Variants in CNMD observed in about 807,000 individuals in gnomAD.
CNMD encodes chondromodulin, also known as leukocyte cell-derived chemotaxin 1.
In CNMD, 30 loss-of-function variants were observed where a neutral mutation model predicts 37.5. That is an observed-to-expected ratio of 0.80 (90% CI 0.60 to 1.09). The LOEUF is 1.09. CNMD is among the 50% of genes least tolerant of loss of function. CNMD has a pLI of 0.00. For missense variants in CNMD, 398 were observed against 423.9 expected, an observed-to-expected ratio of 0.94 and a Z score of 0.54; for synonymous variants, 167 against 148.2, an observed-to-expected ratio of 1.13 and a Z score of -0.92.
In CNMD at chr13:52,708,532, G is replaced by A. The variant is rs552391282; in HGVS notation, c.789+4C>T. The A allele has an allele frequency of 1.2e-5, 20 of 1,603,388 alleles. No individual in the cohort carries two copies. Among genetic ancestry groups the A allele is most frequent in the East Asian group, 1.1e-4 (5 of 44,702 alleles). ...TAATCATGTCAAAAAGCACCGGAAC[G>A]CACATGATAAGGATTATCAGGATTG... is the stretch of plus-strand genomic sequence containing the variant. On this transcript the variant is annotated splice_donor_region_variant and intron_variant, in intron 6 of 6. Transcript: ENST00000377962.
At chr13:52,711,024 C>T (rs1267447698) in intron 5 of CNMD, among the ~76,000 whole-genome samples, 1 of 152,184 alleles carries the variant, frequency 6.6e-6, no homozygotes, top group Non-Finnish European at 1.5e-5. Flanking sequence ...ATACAATTTT[C>T]TTATTTTAAT....
rs151251637 is a variant in CNMD, at chr13:52,728,773, T to C, written c.354+4446A>G. On this transcript the variant is annotated intron_variant, in intron 3 of 6. Transcript: ENST00000377962. ...GATTCTACTGAATGATTCGCAGCAC[T>C]GAATGGGAATCTAGTGTTAAGTTGG... Among the ~76,000 whole-genome samples, 512 of 152,274 alleles carry C rather than the reference T, an allele frequency of 3.4e-3. 3 individuals are homozygous for C. Among genetic ancestry groups the C allele is most frequent in the African/African-American group, 0.011 (463 of 41,576 alleles).
chr13:52,726,869 G>A (rs2138260894), intron 3 of CNMD, among the ~76,000 whole-genome samples: 1 of 152,224 alleles, frequency 6.6e-6, no homozygotes, highest in Admixed American at 6.5e-5. Context: ...TTTAGGATAT[G>A]AATGAGAAAT....
rs139061745 is a variant in CNMD at position 52,712,985 on chromosome 13, C to T, written c.469-116G>A. 2.5e-4 allele frequency: 183 copies of T among 722,584 alleles called. 1 individual carries two copies. In the African/African-American group the frequency reaches 2.8e-3, roughly 11 times the overall value. 44.8% of individuals were successfully genotyped at this position (722,584 alleles called of 1,614,324 possible). On this transcript the variant is annotated intron_variant, in intron 4 of 6. Transcript: ENST00000377962. ...ATAAAAAATTAATGAGAATTCCGAG[C>T]ATGCGTGTGTACATGTGTGCACTTT... is the stretch of plus-strand genomic sequence containing the variant.
chr13:52,709,971 C>CAA (rs1185043503), intron 5 of CNMD, among the ~76,000 whole-genome samples: 1 of 151,558 alleles, frequency 6.6e-6, no homozygotes, highest in East Asian at 1.9e-4. Flanking sequence ...AACTCCATCT[C>CAA]AAAAAAAAGT....
At position 52,739,669 on chromosome 13, in the gene CNMD, G is replaced by A. The variant is rs1293471949; in HGVS notation, c.33C>T (p.Ala11=). 5 of 1,614,164 alleles carry A rather than the reference G, an allele frequency of 3.1e-6. No individual in the cohort carries two copies. The South Asian group carries it at 5.5e-5, about 18-fold the overall frequency. MTENSDKVPI[A]LVGPDDVEFC... ...ATTCCACGTCATCAGGTCCCACCAG[G>A]GCAATGGGAACTTTGTCGGAGTTCT... Residue 11 remains alanine, a synonymous_variant, in exon 1 of 7, where the codon GCC becomes GCT. Transcript: ENST00000377962. This position sits in a 1 kb window ranked among gnomAD's most constrained non-coding sequence, Gnocchi z 5.4.
intron 2 of CNMD, 161 bp from the exon 3 acceptor site, chr13:52,733,520 A>T (rs1964709623): frequency 1.4e-6 from 1 of 734,428 alleles, no homozygotes; most frequent in Admixed American, 2.0e-5. Context: ...TTCATACAAC[A>T]ATCAGTTAAT....
chr13:52,725,740 G>T (rs1037767698), intron 3 of CNMD, among the ~76,000 whole-genome samples: 2 of 152,216 alleles, frequency 1.3e-5, no homozygotes, highest in Non-Finnish European at 1.5e-5. Context: ...GTGTTGGAAT[G>T]ATATAGAAAT....
Position 52,703,690 on chromosome 13 carries a change from A to G in CNMD, c.910T>C (p.Tyr304His), listed in dbSNP as rs1964124982. The G allele has an allele frequency of 6.2e-7, 1 of 1,614,002 alleles. No individual in the cohort carries two copies. Among genetic ancestry groups the G allele is most frequent in the Non-Finnish European group, 8.5e-7 (1 of 1,179,850 alleles). ...QKICEPLGGY[Y>H]PWPYNYQGCR... ...CCTTGATAATTATAAGGCCATGGGT[A>G]ATAGCCCCCCAGGGGTTCACAGATC... The change falls in exon 7 of 7, where the codon TAC becomes CAC. Residue 304 changes from tyrosine (Y) to histidine (H), a missense_variant. Coordinates refer to ENST00000377962, the MANE Select transcript of CNMD (RefSeq NM_007015.3).
intron 4 of CNMD, among the ~76,000 whole-genome samples, chr13:52,718,403 T>C (rs1964425596): frequency 6.6e-6 from 1 of 152,158 alleles, no homozygotes; most frequent in African/African-American, 2.4e-5. Flanking sequence ...TGTTTGCTCT[T>C]GCTTCTCTAG....
At chr13:52,728,363 C>A (rs899745167) in intron 3 of CNMD, among the ~76,000 whole-genome samples, 2 of 101,502 alleles carry the variant, frequency 2.0e-5, no homozygotes, top group African/African-American at 7.5e-5. Context: ...GGCGACAGAG[C>A]GAGACTCCAT....
At chr13:52,736,025 G>T (rs1964755280) in intron 2 of CNMD, among the ~76,000 whole-genome samples, 1 of 144,882 alleles carries the variant, frequency 6.9e-6, no homozygotes, top group African/African-American at 2.6e-5. Context: ...ACGGAGTCTT[G>T]CTCTGTCGCC....
intron 4 of CNMD, among the ~76,000 whole-genome samples, chr13:52,717,275 A>G (rs1368417410): frequency 2.0e-5 from 3 of 152,214 alleles, no homozygotes; most frequent in Non-Finnish European, 4.4e-5. Context: ...ATGTACAATC[A>G]TGTAATCTGC....
chr13:52,712,876 G>A lies in CNMD; in HGVS notation c.469-7C>T. 6.5e-7 allele frequency: 1 copy of A among 1,542,744 alleles called. No homozygotes were observed. The highest frequency in any genetic ancestry group is 2.3e-5 in the East Asian group (1 of 43,624). On this transcript the variant is annotated splice_polypyrimidine_tract_variant and splice_region_variant and intron_variant, in intron 4 of 6. Coordinates refer to ENST00000377962, the MANE Select transcript of CNMD (RefSeq NM_007015.3). ...CTGGCATGATCTTGCCTTCCTGAAA[G>A]TAAAAACGATTGCATTTGAGCAAAG...
chr13:52,709,820 A>G (rs889386662), intron 5 of CNMD, among the ~76,000 whole-genome samples: 2 of 152,182 alleles, frequency 1.3e-5, no homozygotes, highest in African/African-American at 4.8e-5. Flanking sequence ...TAAAAATACA[A>G]TAATTAGCCG....
At chr13:52,726,139 C>T (rs1037167059) in intron 3 of CNMD, among the ~76,000 whole-genome samples, 2 of 152,218 alleles carry the variant, frequency 1.3e-5, no homozygotes, top group Non-Finnish European at 2.9e-5. Flanking sequence ...CTCTTAACTG[C>T]ACCTGAATTC....
intron 3 of CNMD, among the ~76,000 whole-genome samples, chr13:52,729,171 G>C (rs994165175): frequency 1.3e-5 from 2 of 152,156 alleles, no homozygotes; most frequent in Non-Finnish European, 2.9e-5. Flanking sequence ...TCCCAAGGAT[G>C]GTAGGAGTTC....
At chr13:52,732,566 G>T (rs536976069) in intron 3 of CNMD, among the ~76,000 whole-genome samples, 1 of 152,308 alleles carries the variant, frequency 6.6e-6, no homozygotes, top group South Asian at 2.1e-4. Context: ...TATAATAGGA[G>T]AATTTGCTCA....
chr13:52,721,388 G>A (rs1964479162), intron 4 of CNMD, among the ~76,000 whole-genome samples: 1 of 152,178 alleles, frequency 6.6e-6, no homozygotes, highest in Non-Finnish European at 1.5e-5. Context: ...CTTCCCAAAT[G>A]GCCACCCAGT....
Sources: allele counts gnomAD v4.1 joint callset (sites outside exome capture counted in the v4.1 genomes callset), GRCh38; gene constraint gnomAD v4.1.1; non-coding constraint Gnocchi (gnomAD v3.1); transcripts MANE v1.5; gene names NCBI Gene and HGNC (gene_info 2026-07-23, HGNC 2026-07-21).